BTF3L4: variants seen among roughly 807,000 people sequenced by gnomAD.
BTF3L4 encodes the protein basic transcription factor 3 like 4.
BTF3L4 carries 6 observed loss-of-function variants against 16.8 expected under a neutral mutation model. That is an observed-to-expected ratio of 0.36 (90% CI 0.20 to 0.71). The LOEUF (loss-of-function observed/expected upper bound fraction) is 0.71, where lower values mean the gene tolerates loss of function less well. Ranked by LOEUF, BTF3L4 falls within the 30% of genes least tolerant of loss-of-function variation. BTF3L4 has a pLI of 0.58. For synonymous variants in BTF3L4, 39 were observed against 59.8 expected (o/e 0.65, Z 1.60); for missense variants, 92 against 186.9 (o/e 0.49, Z 2.96).
Position 52,088,424 on chromosome 1 carries a change from G to A in BTF3L4, c.*1666G>A, listed in dbSNP as rs991969262. 2 of 152,524 alleles carry A rather than the reference G, an allele frequency of 1.3e-5. No homozygotes were observed. Among genetic ancestry groups the A allele is most frequent in the East Asian group, 3.9e-4 (2 of 5,192 alleles). The allele number at this position is 152,524 out of a possible 1,614,324, so 9.4% of individuals were successfully genotyped here. ...TTCCTCTTGTGCTTTTCTTGATGTTGTGTACAGAATTTCCTTTTATATTAT... is the reference window on the plus strand; with the variant it reads ...TTCCTCTTGTGCTTTTCTTGATGTTATGTACAGAATTTCCTTTTATATTAT... On this transcript the variant is annotated 3_prime_UTR_variant, in exon 6 of 6. Coordinates refer to ENST00000313334, the MANE Select transcript of BTF3L4 (RefSeq NM_152265.5).
chr1:52,087,531 C>CAT lies in BTF3L4; in HGVS notation c.*777_*778dup, dbSNP rs1223273531. On this transcript the variant is annotated 3_prime_UTR_variant, in exon 6 of 6. Coordinates refer to ENST00000313334, the MANE Select transcript of BTF3L4 (RefSeq NM_152265.5). ...CACCTAGCTTGAGAAGGATGTTCTC[C>CAT]ATATAGAGTTTAGCGAGTGCCTAAT... The CAT allele has an allele frequency of 6.6e-6, 1 of 152,122 alleles. No individual in the cohort carries two copies. The highest frequency in any genetic ancestry group is 1.5e-5 in the Non-Finnish European group (1 of 68,022). The allele number at this position is 152,122 out of a possible 1,614,324, so 9.4% of individuals were successfully genotyped here.
chr1:52,071,607 T>A lies in BTF3L4; in HGVS notation c.168+6669T>A, dbSNP rs139549461. ...GGATTGTTCTGCAGTAAGTTAGCTATAGGGAGCTAGGGCTTAGAGAAAGCT... is the reference window on the plus strand; with the variant it reads ...GGATTGTTCTGCAGTAAGTTAGCTAAAGGGAGCTAGGGCTTAGAGAAAGCT... On this transcript the variant is annotated intron_variant, in intron 3 of 5. Transcript: ENST00000313334. Among the ~76,000 whole-genome samples the A allele has an allele frequency of 2.4e-3, 360 of 152,316 alleles. 1 individual carries two copies. Among genetic ancestry groups the A allele is most frequent in the African/African-American group, 8.3e-3 (344 of 41,558 alleles).
intron 1 of BTF3L4, among the ~76,000 whole-genome samples, chr1:52,059,153 A>C (rs1267759450): frequency 6.6e-6 from 1 of 152,112 alleles, no homozygotes; most frequent in East Asian, 1.9e-4. Flanking sequence ...CCTGTATGCA[A>C]GAATGTCTTG....
At chr1:52,072,741 A>G (rs957701408) in intron 3 of BTF3L4, among the ~76,000 whole-genome samples, 4 of 152,130 alleles carry the variant, frequency 2.6e-5, no homozygotes. Context: ...TTTTGTATTT[A>G]AAAAGCTTTC....
At chr1:52,065,047 C>A in intron 3 of BTF3L4, 109 bp downstream of exon 3, 1 of 539,198 alleles carries the variant, frequency 1.9e-6, no homozygotes, top group East Asian at 3.3e-5. Flanking sequence ...TATTGTCACT[C>A]TGATGTCTTT....
chr1:52,064,460 T>C (rs1472764178), intron 2 of BTF3L4, among the ~76,000 whole-genome samples: 1 of 152,212 alleles, frequency 6.6e-6, no homozygotes, highest in Non-Finnish European at 1.5e-5. Context: ...CAGGGGGTGG[T>C]AGTTACTATA....
chr1:52,073,966 C>T (rs1029702344), intron 3 of BTF3L4, among the ~76,000 whole-genome samples: 4 of 151,944 alleles, frequency 2.6e-5, no homozygotes, highest in African/African-American at 7.3e-5. Context: ...CACTGCACTG[C>T]AGCCTGGGCA....
At chr1:52,077,974 TGG>T (rs1686972646) in intron 3 of BTF3L4, among the ~76,000 whole-genome samples, 2 of 152,196 alleles carry the variant, frequency 1.3e-5, no homozygotes, top group Admixed American at 6.5e-5. Flanking sequence ...CAGGAGATTC[TGG>T]GCATCTTCGT....
chr1:52,079,244 A>G (rs1373077594), intron 3 of BTF3L4, among the ~76,000 whole-genome samples: 1 of 152,012 alleles, frequency 6.6e-6, no homozygotes, highest in Admixed American at 6.6e-5. Context: ...TTAGTCGGGC[A>G]TGGTGGCACA....
intron 2 of BTF3L4, among the ~76,000 whole-genome samples, chr1:52,061,998 G>A (rs1255116466): frequency 6.8e-6 from 1 of 147,456 alleles, no homozygotes; most frequent in African/African-American, 2.5e-5. Context: ...GTGCAGTGGC[G>A]CAATCTCAGC....
intron 3 of BTF3L4, among the ~76,000 whole-genome samples, chr1:52,079,077 CCTT>C (rs1277451599): frequency 6.6e-6 from 1 of 151,966 alleles, no homozygotes; most frequent in Non-Finnish European, 1.5e-5. Context: ...GTTCCTTATC[CCTT>C]CTTTTACCCA....
intron 3 of BTF3L4, among the ~76,000 whole-genome samples, chr1:52,077,378 C>T (rs549741780): frequency 6.6e-6 from 1 of 151,972 alleles, no homozygotes; most frequent in South Asian, 2.1e-4. Context: ...CCCATCTGTA[C>T]TAAAAATATA....
chr1:52,089,429 T>C lies in BTF3L4; in HGVS notation c.*2671T>C, dbSNP rs1014432409. ...CTCTCCACAAAGACATGTTCCTCCC[T>C]CTGGTGTGGGTAGACATAGGGTAAG... On this transcript the variant is annotated 3_prime_UTR_variant, in exon 6 of 6. Coordinates refer to ENST00000313334, the MANE Select transcript of BTF3L4 (RefSeq NM_152265.5). 4 of 152,192 alleles carry C rather than the reference T, an allele frequency of 2.6e-5. No homozygotes were observed. Among genetic ancestry groups the C allele is most frequent in the African/African-American group, 9.6e-5 (4 of 41,460 alleles). 9.4% of individuals were successfully genotyped at this position (152,192 alleles called of 1,614,324 possible).
At chr1:52,081,176 C>T (rs540262295) in intron 3 of BTF3L4, among the ~76,000 whole-genome samples, 149 of 145,560 alleles carry the variant, frequency 1.0e-3, no homozygotes, top group African/African-American at 3.4e-3. Flanking sequence ...TCACTCTTGT[C>T]GCCCAGGCTG....
chr1:52,079,610 T>C (rs1009112470), intron 3 of BTF3L4, among the ~76,000 whole-genome samples: 2 of 152,102 alleles, frequency 1.3e-5, no homozygotes, highest in African/African-American at 4.8e-5. Context: ...TATTTCAAAC[T>C]AGAAAGACCT....
At chr1:52,064,660 G>A (rs569397170) in intron 2 of BTF3L4, among the ~76,000 whole-genome samples, 165 bp from the exon 3 acceptor site, 54 of 152,290 alleles carry the variant, frequency 3.5e-4, no homozygotes, top group South Asian at 8.3e-4. Context: ...AGAAATCTGC[G>A]TTAGGCTGAC....
At position 52,061,000 on chromosome 1, in the gene BTF3L4, G is replaced by A. The variant is rs541831536; in HGVS notation, c.54+1099G>A. Among the ~76,000 whole-genome samples, 4 of 152,314 alleles carry A rather than the reference G, an allele frequency of 2.6e-5. No individual in the cohort carries two copies. In the South Asian group the frequency reaches 8.3e-4, roughly 32 times the overall value. On this transcript the variant is annotated intron_variant, in intron 2 of 5. Transcript: ENST00000313334. ...ATTCGATTTAGCTGTTGTATATTGA[G>A]CACCTACTGTGTGCCAGCACATAGA...
chr1:52,065,358 C>T (rs183417238), intron 3 of BTF3L4: 1,802 of 153,316 alleles, frequency 0.012, 38 homozygotes, highest in African/African-American at 0.042. Flanking sequence ...CTCTGCCTCC[C>T]GGGTTCAGAC....
At chr1:52,079,734 T>C (rs555222929) in intron 3 of BTF3L4, among the ~76,000 whole-genome samples, 1 of 152,288 alleles carries the variant, frequency 6.6e-6, no homozygotes, top group East Asian at 1.9e-4. Context: ...GCCTCTTGTT[T>C]TGTAGCCAAT....
Sources: allele counts gnomAD v4.1 joint callset (sites outside exome capture counted in the v4.1 genomes callset), GRCh38; gene constraint gnomAD v4.1.1; transcripts MANE v1.5; gene names NCBI Gene and HGNC (gene_info 2026-07-23, HGNC 2026-07-21).